Variants in FGF13 observed in about 807,000 individuals in gnomAD.
FGF13 encodes fibroblast growth factor 13.
FGF13 carries 2 observed loss-of-function variants against 19.5 expected under a neutral mutation model. The observed-to-expected ratio is 0.10, with a 90% confidence interval of 0.04 to 0.32. FGF13 has a LOEUF of 0.32. Ranked by LOEUF, FGF13 falls within the 10% of genes least tolerant of loss-of-function variation. The pLI, the probability that FGF13 is intolerant of heterozygous loss-of-function variation, is 1.00. For synonymous variants in FGF13, 72 were observed against 76.9 expected (o/e 0.94, Z 0.33); for missense variants, 113 against 192.7 (o/e 0.59, Z 2.45).
intron 3 of FGF13, among the ~76,000 whole-genome samples, chrX:138,789,878 T>C (rs905043245): frequency 1.9e-5 from 2 of 105,626 alleles, no homozygotes; most frequent in African/African-American, 6.9e-5. Flanking sequence ...ACCCTGTCTC[T>C]ACTAAAAATA....
intron 1 of FGF13, among the ~76,000 whole-genome samples, chrX:139,181,098 G>A (rs761859430): frequency 2.7e-5 from 3 of 112,351 alleles, no homozygotes; most frequent in Non-Finnish European, 3.8e-5. Context: ...CTACAGAACC[G>A]AAACCTCACA....
At chrX:138,918,390 G>A (rs1416368609) in intron 1 of FGF13, among the ~76,000 whole-genome samples, 1 of 111,072 alleles carries the variant, frequency 9.0e-6, no homozygotes, top group Non-Finnish European at 1.9e-5. Context: ...CTTATTCACT[G>A]TTCTAAGCAG....
intron 1 of FGF13, among the ~76,000 whole-genome samples, chrX:138,953,585 A>T (rs1242060305): frequency 8.9e-6 from 1 of 111,931 alleles, no homozygotes; most frequent in African/African-American, 3.2e-5. Flanking sequence ...ATAATAATAA[A>T]AAAAGAAAAC....
intron 1 of FGF13, among the ~76,000 whole-genome samples, chrX:139,189,662 T>C (rs1262202730): frequency 9.0e-6 from 1 of 111,672 alleles, no homozygotes; most frequent in Non-Finnish European, 1.9e-5. Flanking sequence ...GAATGGAGGT[T>C]GCAAGGGACT....
intron 3 of FGF13, among the ~76,000 whole-genome samples, chrX:138,686,442 T>A (rs768059423): frequency 8.9e-6 from 1 of 112,025 alleles, no homozygotes; most frequent in African/African-American, 3.2e-5. Context: ...CCAATTTTCA[T>A]TTTTCTTGAC....
chrX:139,098,123 C>T (rs1962949763), intron 1 of FGF13, among the ~76,000 whole-genome samples: 1 of 111,085 alleles, frequency 9.0e-6, no homozygotes, highest in Non-Finnish European at 1.9e-5. Context: ...CTATTTCAGG[C>T]GAGGGAGAAA....
intron 1 of FGF13, among the ~76,000 whole-genome samples, chrX:139,090,608 C>T (rs188728915): frequency 3.6e-5 from 4 of 110,615 alleles, no homozygotes; most frequent in Non-Finnish European, 7.6e-5. Flanking sequence ...CCTCTGCCCT[C>T]CGATAGGCCC....
At chrX:138,848,104 G>A (rs191494399) in intron 3 of FGF13, among the ~76,000 whole-genome samples, 87 of 112,404 alleles carry the variant, frequency 7.7e-4, no homozygotes, top group Non-Finnish European at 1.4e-3. Context: ...AAGAAAGAAT[G>A]TTGGTCACAA....
chrX:138,792,041 C>A (rs910647281), intron 3 of FGF13, among the ~76,000 whole-genome samples: 3 of 111,546 alleles, frequency 2.7e-5, no homozygotes, highest in African/African-American at 9.8e-5. Flanking sequence ...ATTTTAGTGG[C>A]CAAAAAGCTG....
chrX:139,072,276 TACACACACACACAC>T (rs761988012), intron 1 of FGF13, among the ~76,000 whole-genome samples: 5 of 99,076 alleles, frequency 5.0e-5, no homozygotes, highest in Non-Finnish European at 1.0e-4. Flanking sequence ...TCTCTCTCTC[TACACACACACACAC>T]ACACACACAC....
chrX:139,066,658 G>A (rs189811183), intron 1 of FGF13, among the ~76,000 whole-genome samples: 27 of 111,045 alleles, frequency 2.4e-4, no homozygotes, highest in South Asian at 1.5e-3. Flanking sequence ...CCAAAACGTC[G>A]AGGGCCAGAT....
rs530015950 is a variant in FGF13, at chrX:139,097,312, TA to T, written c.-113+106103del. Among the ~76,000 whole-genome samples, 15 of 107,802 alleles carry T rather than the reference TA, an allele frequency of 1.4e-4. No individual in the cohort carries two copies. In the East Asian group the frequency reaches 1.4e-3, roughly 10 times the overall value. The allele number at this position is 107,802 out of a possible 115,157, so 93.6% of individuals were successfully genotyped here. On this transcript the variant is annotated intron_variant, in intron 1 of 2. Coordinates refer to the FGF13 transcript ENST00000421460. ...CTAAGACTAATGATTGCTGATGACC[TA>T]AAAAAAAAATCACAAAAAAAATCTC...
At chrX:139,151,049 A>G in intron 1 of FGF13, among the ~76,000 whole-genome samples, 1 of 110,828 alleles carries the variant, frequency 9.0e-6, no homozygotes, top group Non-Finnish European at 1.9e-5. Context: ...ACGCATTCTC[A>G]AAGGGTCAAT....
rs181748934 is a variant in FGF13 at position 139,191,523 on chromosome X, C to T, written c.-113+11893G>A. On this transcript the variant is annotated intron_variant, in intron 1 of 2. Transcript: ENST00000421460. ...ATCAGGTCATCCTATACAGCCTGAACCCCCAATTCCACAGAGGAAATAAAA... is the reference window on the plus strand; with the variant it reads ...ATCAGGTCATCCTATACAGCCTGAATCCCCAATTCCACAGAGGAAATAAAA... 1.7e-4 allele frequency among the ~76,000 whole-genome samples: 19 copies of T among 111,709 alleles called. No homozygotes were observed. The East Asian group carries it at 5.1e-3, about 30-fold the overall frequency.
At chrX:139,158,155 G>A (rs982981847) in intron 1 of FGF13, among the ~76,000 whole-genome samples, 2 of 111,060 alleles carry the variant, frequency 1.8e-5, no homozygotes, top group African/African-American at 6.6e-5. Flanking sequence ...CCAGGGCCCT[G>A]GGTTTCAAGC....
intron 3 of FGF13, among the ~76,000 whole-genome samples, chrX:138,791,664 A>G (rs1229139968): frequency 8.9e-6 from 1 of 112,056 alleles, no homozygotes; most frequent in South Asian, 3.7e-4. Context: ...GTCTGTACCA[A>G]CACTTTAATT....
downstream of FGF13, among the ~76,000 whole-genome samples, chrX:138,854,599 T>G: frequency 8.9e-6 from 1 of 112,264 alleles, no homozygotes; most frequent in Non-Finnish European, 1.9e-5. Flanking sequence ...AGTTGGGTAA[T>G]TTTTATCAAT....
chrX:138,906,139 T>C (rs1240111560), intron 1 of FGF13, among the ~76,000 whole-genome samples: 2 of 111,699 alleles, frequency 1.8e-5, no homozygotes, highest in Non-Finnish European at 3.8e-5. Flanking sequence ...GTCCCCAGGC[T>C]GATGATCAAA....
chrX:138,824,607 G>A (rs1386929302), intron 3 of FGF13, among the ~76,000 whole-genome samples: 1 of 111,738 alleles, frequency 8.9e-6, no homozygotes, highest in Non-Finnish European at 1.9e-5. Context: ...TAATATGTTA[G>A]TCTTAAAGAT....
Sources: allele counts gnomAD v4.1 joint callset (sites outside exome capture counted in the v4.1 genomes callset), GRCh38; gene constraint gnomAD v4.1.1; transcripts MANE v1.5; gene names NCBI Gene and HGNC (gene_info 2026-07-23, HGNC 2026-07-21).